The following EBF3 variants were observed in gnomAD, a reference collection of about 807,000 sequenced individuals.
The protein encoded by EBF3 is EBF transcription factor 3, also known as transcription factor COE3.
EBF3 carries 18 observed loss-of-function variants against 77.1 expected under a neutral mutation model. The observed-to-expected ratio is 0.23, with a 90% CI of 0.16 to 0.35. The LOEUF (loss-of-function observed/expected upper bound fraction) is 0.35, where lower values mean the gene tolerates loss of function less well. EBF3 is among the 10% of genes least tolerant of loss of function. The pLI, the probability that EBF3 is intolerant of heterozygous loss-of-function variation, is 1.00. For missense variants in EBF3, 558 were observed against 860.0 expected, an observed-to-expected ratio of 0.65 and a Z score of 4.39; for synonymous variants, 350 against 343.5, an observed-to-expected ratio of 1.02 and a Z score of -0.21.
intron 6 of EBF3, among the ~76,000 whole-genome samples, chr10:129,917,442 T>C (rs1855955661): frequency 6.6e-6 from 1 of 152,038 alleles, no homozygotes; most frequent in Admixed American, 6.6e-5. Context: ...ATTACAATGA[T>C]AGGTTTTTAC....
chr10:129,906,895 CCTT>C (rs1184193351), intron 6 of EBF3, among the ~76,000 whole-genome samples: 1 of 152,160 alleles, frequency 6.6e-6, no homozygotes, highest in Non-Finnish European at 1.5e-5. Flanking sequence ...CTATTATACT[CCTT>C]ATTCTCTCCC....
intron 10 of EBF3, among the ~76,000 whole-genome samples, chr10:129,850,147 C>A (rs969637718): frequency 6.6e-6 from 1 of 152,248 alleles, no homozygotes; most frequent in South Asian, 2.1e-4. Context: ...GCATTTCTAA[C>A]GTGTCAGGTT....
intron 6 of EBF3, among the ~76,000 whole-genome samples, chr10:129,910,423 C>G (rs1294801325): frequency 6.6e-6 from 1 of 152,184 alleles, no homozygotes; most frequent in Non-Finnish European, 1.5e-5. Flanking sequence ...CAAATACATA[C>G]AAATATACCT....
At chr10:129,855,364 A>G (rs982776157) in intron 10 of EBF3, among the ~76,000 whole-genome samples, 1 of 152,046 alleles carries the variant, frequency 6.6e-6, no homozygotes, top group African/African-American at 2.4e-5. Flanking sequence ...CCAAAATAAT[A>G]CCCTTGCTGA....
chr10:129,942,285 T>G (rs1183111077), intron 6 of EBF3, among the ~76,000 whole-genome samples: 1 of 152,232 alleles, frequency 6.6e-6, no homozygotes, highest in Non-Finnish European at 1.5e-5. Context: ...TCCAGGACCC[T>G]TCTTTAGCCC....
intron 6 of EBF3, among the ~76,000 whole-genome samples, chr10:129,931,208 T>C (rs60239754): frequency 1.3e-5 from 2 of 152,118 alleles, no homozygotes; most frequent in South Asian, 2.1e-4. Context: ...GGGTTTGTGG[T>C]TTTTTTGCCC....
intron 16 of EBF3, 75 bp downstream of exon 16, chr10:129,839,008 G>A (rs750267375): frequency 3.9e-5 from 49 of 1,265,852 alleles, no homozygotes; most frequent in East Asian, 1.1e-4. Context: ...GCCAGTCGGC[G>A]GCACTTCGGG....
chr10:129,922,808 A>C (rs1297624984), intron 6 of EBF3, among the ~76,000 whole-genome samples: 1 of 152,148 alleles, frequency 6.6e-6, no homozygotes, highest in African/African-American at 2.4e-5. Flanking sequence ...TACACAACCC[A>C]GCACACAGCC....
rs1013661179 is a variant in EBF3 at position 129,916,059 on chromosome 10, C to T, written c.555-38210G>A. The stretch of plus-strand genomic sequence containing the variant: ...ATTCAATGGGGTCCCACAGGGGCTC[C>T]GAGGGGGAAGGAGAGGGCCTGGGAC... On this transcript the variant is annotated intron_variant, in intron 6 of 16. Transcript: ENST00000440978. 5.9e-5 allele frequency among the ~76,000 whole-genome samples: 9 copies of T among 152,312 alleles called. No individual in the cohort carries two copies. The East Asian group carries it at 9.7e-4, about 16-fold the overall frequency.
At position 129,870,350 on chromosome 10, in the gene EBF3, C is replaced by T. The variant is rs1330508203; in HGVS notation, c.782-2438G>A. 2.0e-5 allele frequency among the ~76,000 whole-genome samples: 3 copies of T among 152,142 alleles called. No homozygotes were observed. The highest frequency in any genetic ancestry group is 7.2e-5 in the African/African-American group (3 of 41,440). On this transcript the variant is annotated intron_variant, in intron 8 of 16. Coordinates refer to ENST00000440978, the MANE Select transcript of EBF3 (RefSeq NM_001375380.1). The surrounding 1 kb of genome is among the most constrained non-coding windows in gnomAD (Gnocchi z 4.4). ...AGCAGATGACAGGAGCTGGGCCCGG[C>T]AGCTGAAGATGGCAGAGGAGGAGCA... is the stretch of plus-strand genomic sequence containing the variant.
rs1362571130 is a variant in EBF3 at position 129,842,401 on chromosome 10, A to G, written c.1195-108T>C. 2 of 1,284,370 alleles carry G rather than the reference A, an allele frequency of 1.6e-6. No homozygotes were observed. Among genetic ancestry groups the G allele is most frequent in the Admixed American group, 2.7e-5 (1 of 37,674 alleles). The allele number at this position is 1,284,370 out of a possible 1,614,324, so 79.6% of individuals were successfully genotyped here. ...CATCCCACTGTCCCTTGCCCAGACC[A>G]TGACCAAATCTATTTCTTAATGGGC... On this transcript the variant is annotated intron_variant, in intron 12 of 16. Transcript: ENST00000440978. This position sits in a 1 kb window ranked among gnomAD's most constrained non-coding sequence, Gnocchi z 4.4.
intron 10 of EBF3, among the ~76,000 whole-genome samples, chr10:129,849,174 G>A (rs530602732): frequency 1.3e-5 from 2 of 152,330 alleles, no homozygotes; most frequent in South Asian, 2.1e-4. Context: ...CCGGGACTCC[G>A]TCCGACTGCA....
chr10:129,855,502 C>T lies in EBF3; in HGVS notation c.1040-7022G>A, dbSNP rs190968553. ...CCCTGCAGCTCGGAAAACTAAGGCA[C>T]GTGGCCTCCTCACTTCTCCGTGGCT... On this transcript the variant is annotated intron_variant, in intron 10 of 16. Transcript: ENST00000440978. Among the ~76,000 whole-genome samples the T allele has an allele frequency of 8.5e-5, 13 of 152,346 alleles. No individual in the cohort carries two copies. The East Asian group carries it at 1.7e-3, about 20-fold the overall frequency.
At chr10:129,857,950 C>T (rs1290061122) in intron 10 of EBF3, among the ~76,000 whole-genome samples, 1 of 152,262 alleles carries the variant, frequency 6.6e-6, no homozygotes, top group Non-Finnish European at 1.5e-5. Flanking sequence ...TCACACTACG[C>T]TTGTCCTACA....
intron 10 of EBF3, among the ~76,000 whole-genome samples, chr10:129,851,629 C>G (rs1850892337): frequency 1.3e-5 from 2 of 152,160 alleles, no homozygotes; most frequent in South Asian, 4.1e-4. Flanking sequence ...GATGAGTTTT[C>G]TAAGAAATCC....
chr10:129,959,730 G>A (rs1241540659), intron 4 of EBF3, among the ~76,000 whole-genome samples: 2 of 151,860 alleles, frequency 1.3e-5, no homozygotes, highest in Non-Finnish European at 1.5e-5. Flanking sequence ...GGGCGGCCTG[G>A]GAGCCCAGGC....
chr10:129,949,441 C>A (rs556327), intron 6 of EBF3, among the ~76,000 whole-genome samples: 124,918 of 152,134 alleles, frequency 0.82, 51,417 homozygotes, highest in Middle Eastern at 0.91. Context: ...TGGGTGTTAC[C>A]TCAAATAAAA....
At chr10:129,893,511 A>G (rs1276729360) in intron 6 of EBF3, among the ~76,000 whole-genome samples, 1 of 152,236 alleles carries the variant, frequency 6.6e-6, no homozygotes, top group Non-Finnish European at 1.5e-5. Context: ...ATTTTTGTTC[A>G]TAAGTAATTT....
intron 6 of EBF3, among the ~76,000 whole-genome samples, chr10:129,936,047 T>G (rs1857336692): frequency 1.3e-5 from 2 of 152,334 alleles, no homozygotes; most frequent in African/African-American, 4.8e-5. Flanking sequence ...CAGATGGTTC[T>G]GGGGGACTGT....
Sources: gnomAD v4.1 joint callset for allele counts (sites outside exome capture counted in the v4.1 genomes callset) on GRCh38, gnomAD v4.1.1 for gene constraint, Gnocchi (gnomAD v3.1) non-coding constraint, MANE v1.5 for transcripts, NCBI Gene and HGNC (gene_info 2026-07-23, HGNC 2026-07-21) for gene names.